The following ZNG1A variants were observed in gnomAD, a reference collection of about 807,000 sequenced individuals.
The protein encoded by ZNG1A is zinc-regulated GTPase metalloprotein activator 1A.
chr9:133,699 AT>A, the ZNG1A span, among the ~76,000 whole-genome samples: 1 of 132,674 alleles, frequency 7.5e-6, no homozygotes, highest in Non-Finnish European at 1.6e-5. Context: ...GAGTTATCGA[AT>A]TTTTTTTAAA....
At chr9:160,022 A>T in the ZNG1A span, 1 of 453,994 alleles carries the variant, frequency 2.2e-6, no homozygotes, top group South Asian at 1.6e-5. Context: ...AACTTCATTC[A>T]TTGCTTCTAT....
At chr9:131,866 G>C in the ZNG1A span, among the ~76,000 whole-genome samples, 2 of 147,492 alleles carry the variant, frequency 1.4e-5, no homozygotes, top group African/African-American at 2.6e-5. Context: ...AGTTCTCTTT[G>C]TCTAGCAAAT....
chr9:138,371 C>T, the ZNG1A span, among the ~76,000 whole-genome samples: 1 of 133,338 alleles, frequency 7.5e-6, no homozygotes, highest in Non-Finnish European at 1.6e-5. Flanking sequence ...GAAATAATCT[C>T]AATCAATTTC....
At chr9:176,978 G>C in the ZNG1A span, among the ~76,000 whole-genome samples, 1 of 152,146 alleles carries the variant, frequency 6.6e-6, no homozygotes, top group East Asian at 1.9e-4. Context: ...AAGGGAAGGG[G>C]GGAATGGAGG....
At chr9:144,789 C>G in the ZNG1A span, among the ~76,000 whole-genome samples, 1 of 151,028 alleles carries the variant, frequency 6.6e-6, no homozygotes, top group East Asian at 2.0e-4. Context: ...ATTTTTGCAA[C>G]CTACTCATCT....
chr9:173,689 A>G, the ZNG1A span, among the ~76,000 whole-genome samples: 4 of 151,996 alleles, frequency 2.6e-5, no homozygotes, highest in African/African-American at 9.7e-5. Flanking sequence ...GTCCAGGGTA[A>G]ACTTTCTAAA....
At chr9:156,209 T>C in the ZNG1A span, among the ~76,000 whole-genome samples, 2 of 148,072 alleles carry the variant, frequency 1.4e-5, no homozygotes, top group African/African-American at 4.9e-5. Flanking sequence ...AACAAGAAAA[T>C]ATTTTTAAAT....
chr9:129,305 T>C, the ZNG1A span, among the ~76,000 whole-genome samples: 1 of 152,044 alleles, frequency 6.6e-6, no homozygotes, highest in African/African-American at 2.4e-5. Context: ...AAGTGCTTTC[T>C]TGCTTGATAA....
chr9:167,596 C>A, the ZNG1A span: 1 of 149,846 alleles, frequency 6.7e-6, no homozygotes, highest in Non-Finnish European at 1.5e-5. Flanking sequence ...AATGGAGAAG[C>A]AACAGTACTG....
At chr9:177,719 C>G in the ZNG1A span, 1 of 1,511,014 alleles carries the variant, frequency 6.6e-7, no homozygotes. Context: ...ATCTACTGAC[C>G]TACCAGTGAG....
At chr9:170,474 C>T in the ZNG1A span, among the ~76,000 whole-genome samples, 3 of 150,922 alleles carry the variant, frequency 2.0e-5, no homozygotes, top group East Asian at 1.9e-4. Context: ...CAACCTCCGC[C>T]TCCCAGCTTT....
chr9:162,502 A>T, the ZNG1A span: 8 of 1,571,400 alleles, frequency 5.1e-6, no homozygotes, highest in African/African-American at 1.4e-5. Context: ...ATCACTTTTT[A>T]AAAAGAATGT....
At chr9:169,851 C>A in the ZNG1A span, among the ~76,000 whole-genome samples, 1 of 125,326 alleles carries the variant, frequency 8.0e-6, no homozygotes, top group Non-Finnish European at 1.7e-5. Context: ...AGTATAAACA[C>A]AGCTTTTTTT....
chr9:139,016 C>A, the ZNG1A span, among the ~76,000 whole-genome samples: 2 of 149,410 alleles, frequency 1.3e-5, no homozygotes, highest in African/African-American at 5.1e-5. Flanking sequence ...ATTCAAAATA[C>A]CCAGAGACAT....
At chr9:158,821 T>C in the ZNG1A span, among the ~76,000 whole-genome samples, 13 of 151,988 alleles carry the variant, frequency 8.6e-5, no homozygotes, top group Admixed American at 5.9e-4. Context: ...TCTATGCCCA[T>C]AGGAAAGCCA....
the ZNG1A span, among the ~76,000 whole-genome samples, chr9:133,818 A>G: frequency 1.3e-5 from 2 of 151,800 alleles, no homozygotes; most frequent in South Asian, 2.1e-4. Context: ...TAAGCAATAC[A>G]GATTTTATAC....
chr9:174,239 G>C, the ZNG1A span, among the ~76,000 whole-genome samples: 1 of 151,106 alleles, frequency 6.6e-6, no homozygotes, highest in Non-Finnish European at 1.5e-5. Context: ...TGAAATGCTT[G>C]TTATCTATAA....
the ZNG1A span, among the ~76,000 whole-genome samples, chr9:132,257 C>T: frequency 4.1e-4 from 61 of 149,342 alleles, 2 homozygotes; most frequent in Admixed American, 2.2e-3. Flanking sequence ...GGCACAGTGG[C>T]TCACGCCTGT....
At chr9:140,537 A>C in the ZNG1A span, among the ~76,000 whole-genome samples, 1 of 151,862 alleles carries the variant, frequency 6.6e-6, no homozygotes, top group East Asian at 1.9e-4. Context: ...AAAGACCAAA[A>C]GTAGATAAAA....
Sources: gnomAD v4.1 joint callset for allele counts (sites outside exome capture counted in the v4.1 genomes callset) on GRCh38, gnomAD v4.1.1 for gene constraint, MANE v1.5 for transcripts, NCBI Gene and HGNC (gene_info 2026-07-23, HGNC 2026-07-21) for gene names.